FSTL5: variants seen among roughly 807,000 people sequenced by gnomAD.
The protein encoded by FSTL5 is follistatin-related protein 5.
FSTL5 carries 62 observed loss-of-function variants against 89.1 expected under a neutral mutation model. The ratio of observed to expected loss-of-function variants is 0.70; its 90% CI spans 0.57 to 0.86. FSTL5 has a LOEUF of 0.86. FSTL5 is among the 40% of genes least tolerant of loss of function. FSTL5 has a pLI of 0.00. For synonymous variants in FSTL5, 383 were observed against 346.2 expected (o/e 1.11, Z -1.18); for missense variants, 1,057 against 1,001.6 (o/e 1.06, Z -0.75).
chr4:161,808,576 G>T (rs778061125), intron 4 of FSTL5, among the ~76,000 whole-genome samples: 1 of 151,918 alleles, frequency 6.6e-6, no homozygotes, highest in African/African-American at 2.4e-5. Flanking sequence ...GAAAACCTGC[G>T]TGACATTGGA....
chr4:162,123,264 C>T (rs1324463870), intron 1 of FSTL5, among the ~76,000 whole-genome samples: 5 of 152,084 alleles, frequency 3.3e-5, no homozygotes, highest in Admixed American at 6.6e-5. Context: ...AACTGAAATG[C>T]CACGGGGAAA....
intron 13 of FSTL5, among the ~76,000 whole-genome samples, chr4:161,474,604 G>T (rs1344859576): frequency 6.7e-6 from 1 of 148,786 alleles, no homozygotes; most frequent in Non-Finnish European, 1.5e-5. Context: ...GGAGTGCAGT[G>T]GCAGGATCTC....
At chr4:162,015,006 T>G (rs1395030175) in intron 3 of FSTL5, among the ~76,000 whole-genome samples, 1 of 152,190 alleles carries the variant, frequency 6.6e-6, no homozygotes, top group Non-Finnish European at 1.5e-5. Context: ...TGCAGATCAA[T>G]TGCCCTCACT....
At chr4:161,889,951 T>G (rs548232057) in intron 4 of FSTL5, among the ~76,000 whole-genome samples, 19 of 152,340 alleles carry the variant, frequency 1.2e-4, no homozygotes, top group African/African-American at 4.6e-4. Flanking sequence ...TTATAATATT[T>G]TGTAATATGG....
At chr4:162,143,741 CACACACA>C (rs772401680) in intron 1 of FSTL5, among the ~76,000 whole-genome samples, 6 of 136,448 alleles carry the variant, frequency 4.4e-5, no homozygotes, top group African/African-American at 8.3e-5. Flanking sequence ...CACACACACA[CACACACA>C]CCCAGGAAAA....
intron 2 of FSTL5, among the ~76,000 whole-genome samples, chr4:162,038,391 A>C (rs2111215718): frequency 6.6e-6 from 1 of 152,054 alleles, no homozygotes; most frequent in East Asian, 1.9e-4. Flanking sequence ...TCTGGGAAGA[A>C]GTACGGTTTT....
chr4:161,630,630 T>A (rs900771222), intron 7 of FSTL5, among the ~76,000 whole-genome samples: 5 of 152,214 alleles, frequency 3.3e-5, no homozygotes, highest in South Asian at 2.1e-4. Flanking sequence ...AAATATTGGT[T>A]AAGTATGTCT....
intron 3 of FSTL5, among the ~76,000 whole-genome samples, chr4:161,963,427 A>G (rs1735236513): frequency 6.6e-6 from 1 of 151,944 alleles, no homozygotes; most frequent in African/African-American, 2.4e-5. Context: ...ATTGTGCATA[A>G]TGGTTGCTGC....
intron 2 of FSTL5, among the ~76,000 whole-genome samples, chr4:162,040,253 A>G (rs1737897423): frequency 6.6e-6 from 1 of 152,142 alleles, no homozygotes; most frequent in Non-Finnish European, 1.5e-5. Flanking sequence ...GAAGTATAAA[A>G]TACTGAGGTG....
chr4:161,575,872 T>C (rs773831435), intron 8 of FSTL5, among the ~76,000 whole-genome samples: 6 of 152,146 alleles, frequency 3.9e-5, no homozygotes, highest in Non-Finnish European at 7.4e-5. Context: ...AGAAAGGAAG[T>C]AAAATTGTCT....
intron 2 of FSTL5, among the ~76,000 whole-genome samples, chr4:162,100,356 C>T (rs1424897773): frequency 8.6e-5 from 13 of 151,990 alleles, no homozygotes; most frequent in African/African-American, 2.9e-4. Context: ...GTCAGGAGAT[C>T]GAGACCATCC....
rs139535619 is a variant in FSTL5 at position 161,759,085 on chromosome 4, T to C, written c.727+326A>G. On this transcript the variant is annotated intron_variant, in intron 6 of 15. Transcript: ENST00000306100. ...AATATTTGAGTGTGTAAATAATTGT[T>C]TTTGATACATGGTGACAACTAGTCA... Among the ~76,000 whole-genome samples the C allele has an allele frequency of 2.5e-3, 374 of 152,316 alleles. 2 individuals carry two copies. The highest frequency in any genetic ancestry group is 8.3e-3 in the African/African-American group (346 of 41,576).
chr4:162,029,637 T>C (rs1737440037), intron 3 of FSTL5, among the ~76,000 whole-genome samples: 1 of 152,140 alleles, frequency 6.6e-6, no homozygotes, highest in African/African-American at 2.4e-5. Flanking sequence ...ACTATTGTGA[T>C]GTGTTTATCA....
intron 13 of FSTL5, among the ~76,000 whole-genome samples, chr4:161,473,278 C>G (rs541419051): frequency 6.6e-6 from 1 of 152,202 alleles, no homozygotes; most frequent in Non-Finnish European, 1.5e-5. Context: ...GTAGAACTCC[C>G]TATTTCTCAA....
chr4:161,566,135 T>TATATATATATAA, intron 8 of FSTL5, among the ~76,000 whole-genome samples: 1 of 55,162 alleles, frequency 1.8e-5, no homozygotes, highest in African/African-American at 7.5e-5. Context: ...TATATATATA[T>TATATATATATAA]ACACACACAC....
intron 1 of FSTL5, among the ~76,000 whole-genome samples, chr4:162,136,560 G>A (rs1356223800): frequency 6.6e-6 from 1 of 152,018 alleles, no homozygotes; most frequent in East Asian, 1.9e-4. Context: ...CTCTACAACA[G>A]TGGATCAATG....
intron 7 of FSTL5, among the ~76,000 whole-genome samples, chr4:161,637,422 A>T (rs1363969336): frequency 1.4e-5 from 2 of 143,158 alleles, no homozygotes; most frequent in Admixed American, 7.0e-5. Context: ...TTGCCTGTTC[A>T]CTCTGATGGT....
At chr4:162,163,361 G>T (rs1733762073) in intron 1 of FSTL5, among the ~76,000 whole-genome samples, 1 of 150,544 alleles carries the variant, frequency 6.6e-6, no homozygotes, top group Admixed American at 6.6e-5. Flanking sequence ...ATAACATAAT[G>T]ACATCAACTT....
chr4:161,894,659 AG>A (rs1560903764), intron 4 of FSTL5, among the ~76,000 whole-genome samples: 1 of 151,982 alleles, frequency 6.6e-6, no homozygotes, highest in Non-Finnish European at 1.5e-5. Flanking sequence ...TTGTATTTTT[AG>A]TAGCGATGAG....
Sources: gnomAD v4.1 joint callset for allele counts (sites outside exome capture counted in the v4.1 genomes callset) on GRCh38, gnomAD v4.1.1 for gene constraint, MANE v1.5 for transcripts, NCBI Gene and HGNC (gene_info 2026-07-23, HGNC 2026-07-21) for gene names.